Variants in ZNF48 observed in about 807,000 individuals in gnomAD.
ZNF48 encodes zinc finger protein 48, also known as zinc finger protein 553.
A neutral mutation model predicts 40.0 loss-of-function variants in ZNF48; 20 were observed. The observed-to-expected ratio is 0.50, with a 90% CI of 0.35 to 0.73. The LOEUF is 0.73. Ranked by LOEUF, ZNF48 falls within the 30% of genes least tolerant of loss-of-function variation. ZNF48 has a pLI of 0.01. For synonymous variants in ZNF48, 298 were observed against 329.7 expected (o/e 0.90, Z 1.04); for missense variants, 726 against 851.9 (o/e 0.85, Z 1.84).
chr16:30,399,114 C>T lies in ZNF48; in HGVS notation c.*7C>T. The T allele has an allele frequency of 1.3e-6, 2 of 1,559,856 alleles. No individual in the cohort carries two copies. Among genetic ancestry groups the T allele is most frequent in the Non-Finnish European group, 1.7e-6 (2 of 1,152,284 alleles). ...AGCAACAGGACTGGAATGACGCGGT[C>T]CAGGGAGGGCGGAGGCCCAGGAGAC... is the stretch of plus-strand genomic sequence containing the variant. On this transcript the variant is annotated 3_prime_UTR_variant, in exon 3 of 3. Transcript: ENST00000613509.
At chr16:30,387,848 G>A (rs2049913293) in intron 1 of ZNF48, among the ~76,000 whole-genome samples, 1 of 151,708 alleles carries the variant, frequency 6.6e-6, no homozygotes, top group African/African-American at 2.4e-5. Context: ...CCCAATTTTA[G>A]TATTTATCCT....
At position 30,397,042 on chromosome 16, in the gene ZNF48, C is replaced by A. The variant is rs2049990905; in HGVS notation, c.80-288C>A. 2.0e-5 allele frequency among the ~76,000 whole-genome samples: 3 copies of A among 152,112 alleles called. No individual in the cohort carries two copies. The highest frequency in any genetic ancestry group is 7.2e-5 in the African/African-American group (3 of 41,402). ...AACCTCCAGCAAAAGGACTTAAATT[C>A]TCTGAGTCTTTCCATGCCTGTAATA... is the stretch of plus-strand genomic sequence containing the variant. On this transcript the variant is annotated intron_variant, in intron 2 of 2. Coordinates refer to ENST00000613509, the MANE Select transcript of ZNF48 (RefSeq NM_001214909.2). The surrounding 1 kb of genome is among the most constrained non-coding windows in gnomAD (Gnocchi z 4.1).
At chr16:30,379,491 C>T (rs1384833226) in intron 1 of ZNF48, 2 of 1,614,004 alleles carry the variant, frequency 1.2e-6, no homozygotes, top group East Asian at 2.2e-5. Context: ...CCCGCCATCC[C>T]TCACCACCTC....
chr16:30,390,433 G>A (rs373618285), upstream of ZNF48, among the ~76,000 whole-genome samples: 5 of 151,078 alleles, frequency 3.3e-5, no homozygotes, highest in Non-Finnish European at 7.4e-5. Flanking sequence ...TTTTTGAGTC[G>A]GAGTCTCGCT....
At chr16:30,379,244 A>G in intron 1 of ZNF48, 1 of 1,596,020 alleles carries the variant, frequency 6.3e-7, no homozygotes, top group African/African-American at 1.3e-5. Flanking sequence ...ACCCACCCGT[A>G]AGGGTCGGGT....
rs752517719 is a variant in ZNF48 at position 30,380,004 on chromosome 16, G to C, written c.-16+1594G>C. ...CACATTCGGGGAACTGGTAGATGTG[G>C]ATCTCCTCTTCCTTCAACTGATCCC... On this transcript the variant is annotated intron_variant, in intron 1 of 2. Coordinates refer to the ZNF48 transcript ENST00000528032. The C allele has an allele frequency of 3.1e-6, 5 of 1,612,632 alleles. No individual in the cohort carries two copies. In the East Asian group the frequency reaches 1.1e-4, roughly 36 times the overall value.
At chr16:30,379,185 T>C in intron 1 of ZNF48, 1 of 1,613,822 alleles carries the variant, frequency 6.2e-7, no homozygotes, top group East Asian at 2.2e-5. Flanking sequence ...GGTTCTCCAC[T>C]GGAGGGGGGG....
chr16:30,386,064 C>A (rs767368968), intron 1 of ZNF48, among the ~76,000 whole-genome samples: 9 of 150,792 alleles, frequency 6.0e-5, no homozygotes, highest in Non-Finnish European at 1.2e-4. Flanking sequence ...TCACTTGAGG[C>A]CAGGAGTTTG....
intron 1 of ZNF48, among the ~76,000 whole-genome samples, chr16:30,386,446 G>A (rs1249691725): frequency 6.6e-6 from 1 of 152,026 alleles, no homozygotes; most frequent in Non-Finnish European, 1.5e-5. Context: ...GCTGAGGCAG[G>A]AGGATGGCTT....
chr16:30,384,899 A>G (rs1187082929), intron 1 of ZNF48, among the ~76,000 whole-genome samples: 2 of 141,104 alleles, frequency 1.4e-5, no homozygotes, highest in African/African-American at 5.3e-5. Flanking sequence ...TAAGTAGGCC[A>G]GGCGCGGTGG....
At position 30,395,447 on chromosome 16, in the gene ZNF48, C is replaced by A. The variant is rs2049973178; in HGVS notation, c.-147C>A. ...CCGCCCCCGGTGGCCGCCCCCGGGA[C>A]GCCTGGGTCCGAGCCCGCTCCCGGC... On this transcript the variant is annotated 5_prime_UTR_variant, in exon 1 of 3. Coordinates refer to ENST00000613509, the MANE Select transcript of ZNF48 (RefSeq NM_001214909.2). The surrounding 1 kb of genome is among the most constrained non-coding windows in gnomAD (Gnocchi z 5.9). The A allele has an allele frequency of 1.7e-5, 6 of 351,478 alleles. No homozygotes were observed. The highest frequency in any genetic ancestry group is 8.9e-4 in the Middle Eastern group (1 of 1,126). The allele number at this position is 351,478 out of a possible 1,614,324, so 21.8% of individuals were successfully genotyped here. A position where few individuals can be genotyped will look rare whatever the true frequency, so the allele number is the denominator to read the frequency against.
chr16:30,383,023 C>G, intron 1 of ZNF48: 1 of 553,466 alleles, frequency 1.8e-6, no homozygotes, highest in Non-Finnish European at 3.3e-6. Context: ...CTCTACAAAA[C>G]ATTAAAAAAT....
chr16:30,378,668 G>A (rs534215977), intron 1 of ZNF48: 3 of 1,609,860 alleles, frequency 1.9e-6, no homozygotes, highest in African/African-American at 2.7e-5. Flanking sequence ...CATGGGCAGC[G>A]GGATCTCTGT....
At position 30,381,127 on chromosome 16, in the gene ZNF48, C is replaced by A. The variant is rs2049841273; in HGVS notation, c.-16+2717C>A. ...AAAGGTCAGAGGTCATCACTCACAC[C>A]TTCTGCTTGAGGGCCTGGGTTTCCT... is the stretch of plus-strand genomic sequence containing the variant. On this transcript the variant is annotated intron_variant, in intron 1 of 2. Coordinates refer to the ZNF48 transcript ENST00000528032. The surrounding 1 kb of genome is among the most constrained non-coding windows in gnomAD (Gnocchi z 4.3). 1.2e-6 allele frequency: 2 copies of A among 1,611,956 alleles called. No individual in the cohort carries two copies. The highest frequency in any genetic ancestry group is 1.7e-6 in the Non-Finnish European group (2 of 1,178,024).
chr16:30,395,698 TGGCCGGCAGAGGGCAGCGGCAGGGCGCC>T lies in ZNF48; in HGVS notation c.-15-80_-15-53del. The stretch of plus-strand genomic sequence containing the variant: ...ACCCGACGCCGCCCGGTGCCCGCGC[TGGCCGGCAGAGGGCAGCGGCAGGGCGCC>T]GCGGGCCACACATGGCTGCGTGACC... On this transcript the variant is annotated intron_variant, in intron 1 of 2. Coordinates refer to ENST00000613509, the MANE Select transcript of ZNF48 (RefSeq NM_001214909.2). The surrounding 1 kb of genome is among the most constrained non-coding windows in gnomAD (Gnocchi z 5.9). 8.6e-7 allele frequency: 1 copy of T among 1,167,452 alleles called. No individual in the cohort carries two copies. Among genetic ancestry groups the T allele is most frequent in the Non-Finnish European group, 1.1e-6 (1 of 929,862 alleles). 72.3% of individuals were successfully genotyped at this position (1,167,452 alleles called of 1,614,324 possible).
chr16:30,389,433 C>A (rs2151114866), intron 1 of ZNF48, among the ~76,000 whole-genome samples: 1 of 148,718 alleles, frequency 6.7e-6, no homozygotes, highest in South Asian at 2.1e-4. Flanking sequence ...ATTAGCTGGG[C>A]ATGGTGGTGC....
In ZNF48 at chr16:30,381,504, G is replaced by A. The variant is rs1597007817; in HGVS notation, c.-16+3094G>A. The A allele has an allele frequency of 6.2e-7, 1 of 1,613,322 alleles. No homozygotes were observed. Among genetic ancestry groups the A allele is most frequent in the Non-Finnish European group, 8.5e-7 (1 of 1,179,598 alleles). On this transcript the variant is annotated intron_variant, in intron 1 of 2. Transcript: ENST00000528032. The surrounding 1 kb of genome is among the most constrained non-coding windows in gnomAD (Gnocchi z 4.3). ...TGTGGGGAGAGGATGTGAGGTCAGA[G>A]ATCAAAGGCCAGAGGGCAGGGGGCA... is the stretch of plus-strand genomic sequence containing the variant.
intron 1 of ZNF48, chr16:30,379,173 TG>T (rs758164936): frequency 6.2e-7 from 1 of 1,614,068 alleles, no homozygotes. Flanking sequence ...CGCAGTGATG[TG>T]GGTTCTCCAC....
intron 1 of ZNF48, among the ~76,000 whole-genome samples, chr16:30,387,595 G>A (rs529439409): frequency 5.6e-4 from 83 of 148,556 alleles, no homozygotes; most frequent in South Asian, 2.0e-3. Context: ...AGTTTTCCTC[G>A]TCACCCAGGC....
Sources: allele counts gnomAD v4.1 joint callset (sites outside exome capture counted in the v4.1 genomes callset), GRCh38; gene constraint gnomAD v4.1.1; non-coding constraint Gnocchi (gnomAD v3.1); transcripts MANE v1.5; gene names NCBI Gene and HGNC (gene_info 2026-07-23, HGNC 2026-07-21).